The following RBMS3 variants were observed in gnomAD, a reference collection of about 807,000 sequenced individuals.
The protein encoded by RBMS3 is RNA-binding motif, single-stranded-interacting protein 3.
A neutral mutation model predicts 66.8 loss-of-function variants in RBMS3; 27 were observed. That is an observed-to-expected ratio of 0.40 (90% confidence interval 0.30 to 0.56). RBMS3 has a LOEUF of 0.56. Among genes scored for constraint, RBMS3 ranks in the 20% least tolerant of loss-of-function variants. The pLI is 0.40. For missense variants in RBMS3, 513 were observed against 549.5 expected (o/e 0.93, Z 0.66); for synonymous variants, 188 against 183.0 (o/e 1.03, Z -0.22).
At chr3:29,292,641 A>G (rs2032912624) in intron 1 of RBMS3, among the ~76,000 whole-genome samples, 1 of 151,824 alleles carries the variant, frequency 6.6e-6, no homozygotes, top group African/African-American at 2.4e-5. Context: ...CAAAGCTTTT[A>G]GTGATGAGGC....
At position 29,385,556 on chromosome 3, in the gene RBMS3, C is replaced by T. The variant is rs145204582; in HGVS notation, c.76-49187C>T. Among the ~76,000 whole-genome samples, 782 of 152,234 alleles carry T rather than the reference C, an allele frequency of 5.1e-3. 7 individuals are homozygous for T. Among genetic ancestry groups the T allele is most frequent in the Non-Finnish European group, 4.7e-3 (318 of 68,020 alleles). On this transcript the variant is annotated intron_variant, in intron 1 of 14. Coordinates refer to ENST00000383767, the MANE Select transcript of RBMS3 (RefSeq NM_001003793.3). ...TTCTTTATTGTAGTTTCAGATCATT[C>T]TCATTCCATCTTCTGTGCAACCCCC... is the stretch of plus-strand genomic sequence containing the variant.
chr3:29,672,693 C>T (rs1308232637), intron 4 of RBMS3, among the ~76,000 whole-genome samples: 1 of 152,016 alleles, frequency 6.6e-6, no homozygotes, highest in African/African-American at 2.4e-5. Context: ...ACAAAGAAGG[C>T]CATTACATAA....
chr3:29,299,618 TAATACA>T (rs2033533314), intron 1 of RBMS3, among the ~76,000 whole-genome samples: 1 of 151,772 alleles, frequency 6.6e-6, no homozygotes. Flanking sequence ...ATAGTAAAAA[TAATACA>T]AATAAAAATA....
chr3:29,469,619 G>A (rs1360208219), intron 2 of RBMS3, among the ~76,000 whole-genome samples: 4 of 151,528 alleles, frequency 2.6e-5, no homozygotes, highest in African/African-American at 9.7e-5. Flanking sequence ...AAATATGTAA[G>A]CTATGGCTCA....
chr3:29,487,938 G>A (rs962041283), intron 2 of RBMS3, among the ~76,000 whole-genome samples: 2 of 152,094 alleles, frequency 1.3e-5, no homozygotes, highest in African/African-American at 4.8e-5. Context: ...CATTGCTCCT[G>A]GAGCCTAATA....
At chr3:29,434,957 A>T (rs371087972) in intron 2 of RBMS3, 42 bp downstream of exon 2, 53 of 1,570,450 alleles carry the variant, frequency 3.4e-5, no homozygotes, top group Admixed American at 5.2e-5. Context: ...TCACTCCCAT[A>T]CTTGCCTTGG....
Position 29,781,892 on chromosome 3 carries a change from T to G in RBMS3, c.637+18903T>G, listed in dbSNP as rs576540585. Among the ~76,000 whole-genome samples the G allele has an allele frequency of 5.9e-5, 9 of 152,190 alleles. No individual in the cohort carries two copies. In the South Asian group the frequency reaches 1.9e-3, roughly 32 times the overall value. Reference sequence around the variant, plus strand: ...TCCCCCACTTCCCTGGTGACCTGTATGGCTCAGCATAGGCAGCCACAATCC... The same window carrying G: ...TCCCCCACTTCCCTGGTGACCTGTAGGGCTCAGCATAGGCAGCCACAATCC... On this transcript the variant is annotated intron_variant, in intron 6 of 14. Coordinates refer to ENST00000383767, the MANE Select transcript of RBMS3 (RefSeq NM_001003793.3).
chr3:29,384,745 A>G (rs991024972), intron 1 of RBMS3, among the ~76,000 whole-genome samples: 2 of 152,204 alleles, frequency 1.3e-5, no homozygotes, highest in South Asian at 2.1e-4. Flanking sequence ...GGTAAAGCCA[A>G]TAAGTGGTTT....
At chr3:29,535,549 T>C (rs111698176) in intron 3 of RBMS3, among the ~76,000 whole-genome samples, 73 of 152,128 alleles carry the variant, frequency 4.8e-4, no homozygotes, top group Non-Finnish European at 9.6e-4. Flanking sequence ...TTCAGGATAA[T>C]GGAGTTTTCT....
At chr3:29,391,440 A>G (rs1460890238) in intron 1 of RBMS3, among the ~76,000 whole-genome samples, 1 of 152,262 alleles carries the variant, frequency 6.6e-6, no homozygotes, top group Non-Finnish European at 1.5e-5. Context: ...TAAACAAGCT[A>G]TCAAATTTGT....
chr3:29,825,874 T>C (rs1321152716), intron 6 of RBMS3, among the ~76,000 whole-genome samples: 3 of 152,228 alleles, frequency 2.0e-5, no homozygotes, highest in African/African-American at 7.2e-5. Flanking sequence ...ATATTAATAA[T>C]CAAATCTATT....
chr3:29,794,600 C>CA (rs765615317), intron 6 of RBMS3, among the ~76,000 whole-genome samples: 2 of 151,784 alleles, frequency 1.3e-5, no homozygotes, highest in Non-Finnish European at 2.9e-5. Flanking sequence ...AATAAACAAA[C>CA]AACAACAACA....
intron 12 of RBMS3, among the ~76,000 whole-genome samples, chr3:29,983,286 C>G (rs374946838): frequency 2.0e-5 from 3 of 148,602 alleles, no homozygotes; most frequent in South Asian, 2.2e-4. Context: ...TCCTCCATTC[C>G]TTTATTTTGA....
intron 8 of RBMS3, among the ~76,000 whole-genome samples, chr3:29,889,288 A>G (rs1414849892): frequency 6.6e-6 from 1 of 151,672 alleles, no homozygotes; most frequent in African/African-American, 2.4e-5. Flanking sequence ...CCATATAGAT[A>G]TGGGTATCAG....
chr3:29,871,672 G>A (rs2059494935), intron 7 of RBMS3, among the ~76,000 whole-genome samples: 1 of 152,104 alleles, frequency 6.6e-6, no homozygotes, highest in Admixed American at 6.6e-5. Context: ...AGCACAGACT[G>A]AGGCTAATGT....
chr3:29,887,789 TGATAA>T (rs1254009510), intron 8 of RBMS3, among the ~76,000 whole-genome samples: 1 of 151,924 alleles, frequency 6.6e-6, no homozygotes, highest in South Asian at 2.1e-4. Context: ...AGTTAGGGAA[TGATAA>T]CTTGTTATGC....
chr3:29,802,975 C>A (rs1284916288), intron 6 of RBMS3, among the ~76,000 whole-genome samples: 2 of 152,108 alleles, frequency 1.3e-5, no homozygotes, highest in African/African-American at 2.4e-5. Flanking sequence ...AGAGGCAGGA[C>A]AAGAAAGGAC....
chr3:29,740,177 T>C (rs1195572415), intron 5 of RBMS3, among the ~76,000 whole-genome samples: 1 of 152,078 alleles, frequency 6.6e-6, no homozygotes, highest in East Asian at 1.9e-4. Flanking sequence ...CAAAATCAGA[T>C]GCTGCCAATA....
intron 5 of RBMS3, among the ~76,000 whole-genome samples, chr3:29,760,586 T>C (rs1003203949): frequency 1.3e-5 from 2 of 151,480 alleles, no homozygotes; most frequent in Non-Finnish European, 2.9e-5. Flanking sequence ...AAAGAGACAA[T>C]AGTGGATCCT....
Sources: allele counts gnomAD v4.1 joint callset (sites outside exome capture counted in the v4.1 genomes callset), GRCh38; gene constraint gnomAD v4.1.1; transcripts MANE v1.5; gene names NCBI Gene and HGNC (gene_info 2026-07-23, HGNC 2026-07-21).